The following FTO variants were observed in gnomAD, a reference collection of about 807,000 sequenced individuals.
FTO encodes the protein alpha-ketoglutarate-dependent dioxygenase FTO.
A neutral mutation model predicts 63.9 loss-of-function variants in FTO; 47 were observed. The observed-to-expected ratio is 0.74, with a 90% CI of 0.58 to 0.94. The LOEUF is 0.94. Among genes scored for constraint, FTO ranks in the 40% least tolerant of loss-of-function variants. The probability of loss-of-function intolerance (pLI) is 0.00; values close to 1 mark genes in which losing one functional copy is unlikely to be tolerated. For synonymous variants in FTO, 207 were observed against 224.4 expected, an observed-to-expected ratio of 0.92 and a Z score of 0.69; for missense variants, 562 against 618.1, an observed-to-expected ratio of 0.91 and a Z score of 0.96.
intron 7 of FTO, among the ~76,000 whole-genome samples, chr16:53,908,943 G>A (rs1477849207): frequency 1.3e-5 from 2 of 152,126 alleles, no homozygotes; most frequent in African/African-American, 4.8e-5. Flanking sequence ...CATGTCTTGA[G>A]CATGAGGGAG....
chr16:54,111,788 T>C lies in FTO; in HGVS notation c.1391T>C (p.Leu464Ser), dbSNP rs2086894751. 1 of 1,614,102 alleles carries C rather than the reference T, an allele frequency of 6.2e-7. No individual in the cohort carries two copies. Among genetic ancestry groups the C allele is most frequent in the South Asian group, 1.1e-5 (1 of 91,074 alleles). Reference protein sequence around the residue: ...ARCQSRIARTLPADQKPECRP... With the variant: ...ARCQSRIARTSPADQKPECRP... ...TGCCAGTCACGAATTGCCCGAACAT[T>C]ACCTGCTGATCAGAAGCCAGAATGT... Residue 464 changes from leucine (L) to serine (S), a missense_variant, in exon 9 of 9, where the codon TTA becomes TCA. Coordinates refer to ENST00000471389, the MANE Select transcript of FTO (RefSeq NM_001080432.3).
chr16:54,012,630 T>A (rs1483935852), intron 8 of FTO, among the ~76,000 whole-genome samples: 2 of 152,208 alleles, frequency 1.3e-5, no homozygotes, highest in Non-Finnish European at 2.9e-5. Context: ...TACTCTCTTT[T>A]TAGGGGCTAA....
In FTO at chr16:53,934,040, A is replaced by G. The variant is rs141327394; in HGVS notation, c.1295A>G (p.Asn432Ser). The G allele has an allele frequency of 7.1e-5, 115 of 1,614,154 alleles. 2 individuals are homozygous for G. In the Middle Eastern group the frequency reaches 2.1e-3, roughly 30 times the overall value. Residue 432 changes from asparagine (N) to serine (S), a missense_variant, in exon 8 of 9, where the codon AAT becomes AGT. Transcript: ENST00000471389. ...KREGLPVEQRNEILTAILASL... is the reference protein window; with the variant it reads ...KREGLPVEQRSEILTAILASL... The stretch of plus-strand genomic sequence containing the variant: ...GAGGGGCTCCCCGTGGAACAAAGGA[A>G]TGAAATCTTGACTGCCATCCTTGCC...
chr16:53,855,564 G>T (rs746033179), intron 4 of FTO, among the ~76,000 whole-genome samples: 23 of 151,912 alleles, frequency 1.5e-4, no homozygotes, highest in Non-Finnish European at 2.5e-4. Flanking sequence ...TCATTTCATG[G>T]TAGTGTGTCT....
chr16:54,101,455 GT>G (rs1304503658), intron 8 of FTO, among the ~76,000 whole-genome samples: 1 of 152,172 alleles, frequency 6.6e-6, no homozygotes, highest in Non-Finnish European at 1.5e-5. Context: ...ATACGATCTT[GT>G]TTTTTGTTAT....
chr16:53,861,577 G>A (rs573649559), intron 4 of FTO, among the ~76,000 whole-genome samples: 64 of 151,864 alleles, frequency 4.2e-4, no homozygotes, highest in Non-Finnish European at 7.9e-4. Context: ...TAACCCTTCT[G>A]CCCACTTCCC....
At chr16:53,973,479 A>G (rs1207437434) in intron 8 of FTO, among the ~76,000 whole-genome samples, 3 of 152,232 alleles carry the variant, frequency 2.0e-5, no homozygotes, top group Non-Finnish European at 2.9e-5. Context: ...AAAGCCTGTG[A>G]TAATGATATC....
At chr16:54,074,548 T>G (rs1262108757) in intron 8 of FTO, among the ~76,000 whole-genome samples, 1 of 152,242 alleles carries the variant, frequency 6.6e-6, no homozygotes, top group East Asian at 1.9e-4. Flanking sequence ...CTTTAAATAT[T>G]CCTTGGGAAC....
chr16:54,001,296 G>A (rs2084060577), intron 8 of FTO, among the ~76,000 whole-genome samples: 1 of 152,194 alleles, frequency 6.6e-6, no homozygotes, highest in South Asian at 2.1e-4. Context: ...ATTCTATTCC[G>A]TGAGCACCTG....
chr16:54,080,729 G>A (rs1336461004), intron 8 of FTO, among the ~76,000 whole-genome samples: 4 of 152,160 alleles, frequency 2.6e-5, no homozygotes, highest in South Asian at 4.1e-4. Context: ...AGAGTTTGTC[G>A]TTACTGTTGT....
intron 8 of FTO, among the ~76,000 whole-genome samples, chr16:53,951,731 C>T (rs1019502895): frequency 3.8e-4 from 57 of 151,854 alleles, no homozygotes; most frequent in African/African-American, 1.3e-3. Context: ...ATATATTTTA[C>T]GTTAGGTTAG....
At chr16:54,105,015 T>C (rs1379825077) in intron 8 of FTO, among the ~76,000 whole-genome samples, 1 of 152,242 alleles carries the variant, frequency 6.6e-6, no homozygotes, top group Non-Finnish European at 1.5e-5. Flanking sequence ...AGTGCTTTTA[T>C]ATGTGTTATT....
At chr16:53,712,339 C>T (rs1394594590) in intron 1 of FTO, among the ~76,000 whole-genome samples, 1 of 152,118 alleles carries the variant, frequency 6.6e-6, no homozygotes, top group African/African-American at 2.4e-5. Flanking sequence ...ATGAAAACCT[C>T]ACCTGACAGA....
chr16:53,934,378 A>G (rs765673774), intron 8 of FTO, among the ~76,000 whole-genome samples: 1 of 152,256 alleles, frequency 6.6e-6, no homozygotes, highest in Non-Finnish European at 1.5e-5. Flanking sequence ...ATAATGTAAT[A>G]TAAGTACCTG....
chr16:54,076,288 A>G (rs1387041681), intron 8 of FTO, among the ~76,000 whole-genome samples: 5 of 152,248 alleles, frequency 3.3e-5, no homozygotes, highest in African/African-American at 1.2e-4. Flanking sequence ...AAGCAAAGCC[A>G]GAGCTTTATG....
chr16:53,791,576 C>T (rs9941349), intron 1 of FTO, among the ~76,000 whole-genome samples: 51,267 of 151,972 alleles, frequency 0.34, 9,582 homozygotes, highest in Non-Finnish European at 0.42. Flanking sequence ...GGTTGCAAGT[C>T]TTGGAATATA....
chr16:54,106,175 G>A (rs1273938625), intron 8 of FTO, among the ~76,000 whole-genome samples: 2 of 152,088 alleles, frequency 1.3e-5, no homozygotes, highest in African/African-American at 4.8e-5. Context: ...GTTCACTAAT[G>A]TAGCTGCAAT....
chr16:53,750,177 A>G (rs561867471), intron 1 of FTO, among the ~76,000 whole-genome samples: 1 of 152,282 alleles, frequency 6.6e-6, no homozygotes, highest in South Asian at 2.1e-4. Context: ...CTCTTTGCTT[A>G]TAACTTATAT....
chr16:53,710,380 C>A (rs1036142827), intron 1 of FTO, among the ~76,000 whole-genome samples: 1 of 151,728 alleles, frequency 6.6e-6, no homozygotes, highest in Non-Finnish European at 1.5e-5. Context: ...ATTCTTCTGC[C>A]TCAGCCTCCT....
Sources: gnomAD v4.1 joint callset for allele counts (sites outside exome capture counted in the v4.1 genomes callset) on GRCh38, gnomAD v4.1.1 for gene constraint, MANE v1.5 for transcripts, NCBI Gene and HGNC (gene_info 2026-07-23, HGNC 2026-07-21) for gene names.